Variants in PHF20 observed in about 807,000 individuals in gnomAD.
PHF20 encodes the protein glioma-expressed antigen 2.
PHF20 carries 23 observed loss-of-function variants against 113.5 expected under a neutral mutation model. The ratio of observed to expected loss-of-function variants is 0.20; its 90% CI spans 0.15 to 0.29. PHF20 has a LOEUF of 0.29. PHF20 is among the 10% of genes least tolerant of loss of function. PHF20 has a pLI of 1.00. For synonymous variants in PHF20, 434 were observed against 457.3 expected (o/e 0.95, Z 0.65); for missense variants, 943 against 1,219.6 (o/e 0.77, Z 3.38).
At chr20:35,856,134 C>A (rs77679513) in intron 4 of PHF20, among the ~76,000 whole-genome samples, 4,442 of 152,014 alleles carry the variant, frequency 0.029, 89 homozygotes, top group Non-Finnish European at 0.042. Flanking sequence ...CTCTGGTAAC[C>A]CTCCCTCTAC....
chr20:35,905,318 A>G (rs2055183715), intron 10 of PHF20, among the ~76,000 whole-genome samples: 1 of 152,174 alleles, frequency 6.6e-6, no homozygotes, highest in Admixed American at 6.5e-5. Flanking sequence ...AGAAGGTGAC[A>G]TTTGAGTTAG....
At chr20:35,818,103 G>A (rs895361657) in intron 2 of PHF20, among the ~76,000 whole-genome samples, 2 of 152,096 alleles carry the variant, frequency 1.3e-5, no homozygotes, top group Non-Finnish European at 2.9e-5. Flanking sequence ...GGCCAACATG[G>A]TGAAACTCCG....
chr20:35,938,650 TG>T (rs751588849), intron 15 of PHF20, 46 bp from the exon 16 acceptor site: 1 of 1,532,894 alleles, frequency 6.5e-7, no homozygotes, highest in Non-Finnish European at 8.8e-7. Flanking sequence ...ACCCCTGCAA[TG>T]GTGCCAGTTA....
chr20:35,922,472 T>C (rs1233879776), intron 13 of PHF20, among the ~76,000 whole-genome samples: 17 of 152,222 alleles, frequency 1.1e-4, no homozygotes, highest in Non-Finnish European at 1.5e-5. Flanking sequence ...TTTCTAGAAG[T>C]GCATGTATTA....
intron 2 of PHF20, among the ~76,000 whole-genome samples, chr20:35,812,405 C>T (rs753747451): frequency 5.9e-5 from 9 of 151,996 alleles, no homozygotes; most frequent in African/African-American, 9.7e-5. Flanking sequence ...GGAGACAGAG[C>T]GAGACTCCGT....
At chr20:35,877,434 C>CT (rs1048462153) in intron 9 of PHF20, among the ~76,000 whole-genome samples, 12 of 147,218 alleles carry the variant, frequency 8.2e-5, no homozygotes, top group Admixed American at 1.4e-4. Context: ...TCTTTCTTTT[C>CT]TTTTTTTTCT....
intron 9 of PHF20, among the ~76,000 whole-genome samples, chr20:35,877,429 CTTTTCTTTT>C (rs1276055271): frequency 3.4e-5 from 5 of 146,316 alleles, no homozygotes; most frequent in South Asian, 2.2e-4. Context: ...TCTTTTCTTT[CTTTTCTTTT>C]TTTTCTTTTT....
intron 9 of PHF20, among the ~76,000 whole-genome samples, chr20:35,894,043 A>G (rs1236236066): frequency 2.0e-5 from 3 of 152,246 alleles, no homozygotes; most frequent in African/African-American, 7.2e-5. Context: ...ATAGTAAAAG[A>G]TGTCCCAAAA....
At chr20:35,808,181 A>G (rs1339055819) in intron 2 of PHF20, among the ~76,000 whole-genome samples, 1 of 152,162 alleles carries the variant, frequency 6.6e-6, no homozygotes, top group Non-Finnish European at 1.5e-5. Flanking sequence ...TGTATCTGCA[A>G]ACAACTGTTT....
chr20:35,866,942 C>T (rs565990124), intron 6 of PHF20, among the ~76,000 whole-genome samples: 66 of 152,220 alleles, frequency 4.3e-4, no homozygotes, highest in Non-Finnish European at 7.2e-4. Flanking sequence ...AAACAGATTC[C>T]AGCCATGCCT....
intron 3 of PHF20, among the ~76,000 whole-genome samples, chr20:35,843,695 A>T (rs1250748487): frequency 6.6e-6 from 1 of 151,736 alleles, no homozygotes; most frequent in African/African-American, 2.4e-5. Flanking sequence ...CGATCTTTCC[A>T]CTTCAACTTC....
intron 9 of PHF20, among the ~76,000 whole-genome samples, chr20:35,895,405 G>A (rs1281218798): frequency 6.6e-6 from 1 of 152,068 alleles, no homozygotes; most frequent in South Asian, 2.1e-4. Context: ...TGATCTGCCC[G>A]CCTCAGTTTC....
At chr20:35,812,176 T>A (rs1051149816) in intron 2 of PHF20, among the ~76,000 whole-genome samples, 3 of 152,236 alleles carry the variant, frequency 2.0e-5, no homozygotes, top group African/African-American at 7.2e-5. Flanking sequence ...TTTATATACT[T>A]ATTTAATTTA....
At chr20:35,830,018 G>GT (rs1165428326) in intron 2 of PHF20, among the ~76,000 whole-genome samples, 1 of 151,772 alleles carries the variant, frequency 6.6e-6, no homozygotes, top group East Asian at 2.0e-4. Flanking sequence ...GGTTCAAGCA[G>GT]TTCTGCTGCC....
intron 1 of PHF20, among the ~76,000 whole-genome samples, chr20:35,776,676 A>T (rs2041181878): frequency 6.6e-6 from 1 of 152,180 alleles, no homozygotes; most frequent in East Asian, 1.9e-4. Context: ...GAATGACTAG[A>T]CTATTTTGTG....
intron 9 of PHF20, among the ~76,000 whole-genome samples, chr20:35,895,974 A>C (rs2054974069): frequency 6.6e-6 from 1 of 152,158 alleles, no homozygotes; most frequent in Admixed American, 6.5e-5. Flanking sequence ...GGCGTGAGCC[A>C]TCGCGCCTGG....
At chr20:35,912,997 A>G (rs2055335570) in intron 10 of PHF20, among the ~76,000 whole-genome samples, 1 of 152,194 alleles carries the variant, frequency 6.6e-6, no homozygotes, top group Non-Finnish European at 1.5e-5. Flanking sequence ...TGAAGTGTGA[A>G]AGACACGTAA....
chr20:35,809,169 T>A (rs1249002603), intron 2 of PHF20, among the ~76,000 whole-genome samples: 1 of 151,554 alleles, frequency 6.6e-6, no homozygotes, highest in Non-Finnish European at 1.5e-5. Context: ...TGCTTAAACC[T>A]GGGAGGTGGA....
At chr20:35,870,848 GTC>G in intron 7 of PHF20, 105 bp from the exon 8 acceptor site, 2 of 704,278 alleles carry the variant, frequency 2.8e-6, no homozygotes, top group Non-Finnish European at 4.6e-6. Context: ...CATTCCAGTA[GTC>G]TCTCTGTAAA....
Sources: gnomAD v4.1 joint callset for allele counts (sites outside exome capture counted in the v4.1 genomes callset) on GRCh38, gnomAD v4.1.1 for gene constraint, MANE v1.5 for transcripts, NCBI Gene and HGNC (gene_info 2026-07-23, HGNC 2026-07-21) for gene names.